The following RYR3 variants were observed in gnomAD, a reference collection of about 807,000 sequenced individuals.
RYR3 encodes ryanodine receptor 3.
In RYR3, 207 loss-of-function variants were observed where a neutral mutation model predicts 584.3. The ratio of observed to expected loss-of-function variants is 0.35; its 90% CI spans 0.32 to 0.40. RYR3 has a LOEUF of 0.40. Among genes scored for constraint, RYR3 ranks in the 10% least tolerant of loss-of-function variants. The pLI is 1.00. For synonymous variants in RYR3, 2,416 were observed against 2,248.5 expected, an observed-to-expected ratio of 1.07 and a Z score of -2.11; for missense variants, 5,616 against 6,089.2, an observed-to-expected ratio of 0.92 and a Z score of 2.59.
chr15:33,654,179 A>G (rs1298773267), intron 32 of RYR3, among the ~76,000 whole-genome samples: 1 of 152,166 alleles, frequency 6.6e-6, no homozygotes, highest in Non-Finnish European at 1.5e-5. Context: ...GAGAATGTTC[A>G]TTAAGGAGAA....
At chr15:33,700,218 G>A (rs1566977915) in intron 41 of RYR3, among the ~76,000 whole-genome samples, 2 of 152,168 alleles carry the variant, frequency 1.3e-5, no homozygotes, top group South Asian at 2.1e-4. Context: ...GTCATGGATC[G>A]GATCTCGTCT....
intron 31 of RYR3, among the ~76,000 whole-genome samples, chr15:33,650,487 T>C (rs1247272651): frequency 6.6e-6 from 1 of 152,216 alleles, no homozygotes; most frequent in Non-Finnish European, 1.5e-5. Flanking sequence ...GATTTCCTTA[T>C]CTAAAGATGA....
intron 32 of RYR3, 85 bp from the exon 33 acceptor site, chr15:33,659,635 T>C (rs565826785): frequency 1.2e-5 from 10 of 834,262 alleles, no homozygotes; most frequent in Admixed American, 2.0e-5. Flanking sequence ...TGGAATGAGA[T>C]TGTTGACCAA....
chr15:33,505,895 A>G (rs7169155), intron 3 of RYR3, among the ~76,000 whole-genome samples: 49,605 of 152,094 alleles, frequency 0.33, 8,785 homozygotes, highest in African/African-American at 0.41. Flanking sequence ...CACCACTTTC[A>G]GTATCAAACT....
rs570124548 is a variant in RYR3 at position 33,344,733 on chromosome 15, A to C, written c.51+33637A>C. Among the ~76,000 whole-genome samples the C allele has an allele frequency of 7.2e-5, 11 of 152,262 alleles. No homozygotes were observed. In the East Asian group the frequency reaches 1.5e-3, roughly 21 times the overall value. ...CGGTTTCTTAAAACAAACAAGGCCT[A>C]CTTTCTGGTCATGTAAAAATGAGTT... On this transcript the variant is annotated intron_variant, in intron 1 of 103. Coordinates refer to ENST00000634891, the MANE Select transcript of RYR3 (RefSeq NM_001036.6).
chr15:33,817,008 T>G lies in RYR3; in HGVS notation c.10599+50T>G, dbSNP rs760687050. 5.3e-6 allele frequency: 6 copies of G among 1,140,640 alleles called. No homozygotes were observed. The East Asian group carries it at 1.5e-4, about 28-fold the overall frequency. 70.7% of individuals were successfully genotyped at this position (1,140,640 alleles called of 1,614,324 possible). A position where few individuals can be genotyped will look rare whatever the true frequency, so the allele number is the denominator to read the frequency against. On this transcript the variant is annotated intron_variant, in intron 75 of 103. Coordinates refer to ENST00000634891, the MANE Select transcript of RYR3 (RefSeq NM_001036.6). ...AGATATGAGTGTGGATGAATTTGATTTTCGAATTCATGTGTGTGGTTGTAA... is the reference window on the plus strand; with the variant it reads ...AGATATGAGTGTGGATGAATTTGATGTTCGAATTCATGTGTGTGGTTGTAA...
intron 93 of RYR3, chr15:33,847,019 C>G (rs1596991883): frequency 6.6e-6 from 1 of 152,316 alleles, no homozygotes; most frequent in Admixed American, 6.5e-5. Context: ...CGAGAGTATA[C>G]AAACTTCTAG....
intron 36 of RYR3, among the ~76,000 whole-genome samples, chr15:33,666,318 T>C (rs2063491290): frequency 6.6e-6 from 1 of 152,214 alleles, no homozygotes; most frequent in Non-Finnish European, 1.5e-5. Context: ...TCCTAGGGTT[T>C]CTAATACGGT....
chr15:33,664,776 G>A (rs2063400589), intron 36 of RYR3, among the ~76,000 whole-genome samples: 1 of 151,860 alleles, frequency 6.6e-6, no homozygotes, highest in African/African-American at 2.4e-5. Flanking sequence ...CAAGCAGCCT[G>A]TCCATAAAGT....
At chr15:33,817,742 G>T (rs1398809397) in intron 75 of RYR3, among the ~76,000 whole-genome samples, 1 of 151,626 alleles carries the variant, frequency 6.6e-6, no homozygotes, top group Non-Finnish European at 1.5e-5. Flanking sequence ...ATATATTCCT[G>T]TTGGTGAGAA....
chr15:33,768,806 G>C, intron 61 of RYR3, 99 bp downstream of exon 61: 2 of 1,132,974 alleles, frequency 1.8e-6, no homozygotes, highest in Non-Finnish European at 2.7e-6. Context: ...CCGGGCCTTG[G>C]GACTAAGGTG....
chr15:33,386,116 A>G (rs898486557), intron 1 of RYR3, among the ~76,000 whole-genome samples: 19 of 152,170 alleles, frequency 1.2e-4, no homozygotes, highest in African/African-American at 4.6e-4. Context: ...TTAACTTTCT[A>G]TATCAATTTG....
intron 79 of RYR3, 71 bp from the exon 80 acceptor site, chr15:33,821,452 C>T: frequency 6.3e-7 from 1 of 1,596,950 alleles, no homozygotes; most frequent in East Asian, 2.2e-5. Flanking sequence ...TTAAAGAGCC[C>T]TGCTAAGGCC....
At chr15:33,782,007 A>T (rs1233464016) in intron 65 of RYR3, among the ~76,000 whole-genome samples, 1 of 152,202 alleles carries the variant, frequency 6.6e-6, no homozygotes, top group Admixed American at 6.5e-5. Context: ...ATGCCAGCCC[A>T]GGTGTTGCTT....
intron 38 of RYR3, among the ~76,000 whole-genome samples, chr15:33,676,031 G>A (rs1283039872): frequency 2.0e-5 from 3 of 152,024 alleles, no homozygotes; most frequent in African/African-American, 7.3e-5. Context: ...GATATGTTAG[G>A]TTAAATGGTC....
At chr15:33,837,535 T>G (rs1357040918) in intron 88 of RYR3, 96 bp from the exon 89 acceptor site, 1 of 1,350,504 alleles carries the variant, frequency 7.4e-7, no homozygotes, top group African/African-American at 1.5e-5. Flanking sequence ...CTGACTAATT[T>G]GGCACAAAAG....
intron 18 of RYR3, among the ~76,000 whole-genome samples, chr15:33,610,069 T>A (rs118184266): frequency 6.6e-6 from 1 of 152,240 alleles, no homozygotes; most frequent in South Asian, 2.1e-4. Context: ...TTTGCCAATA[T>A]GCATTGAGTA....
chr15:33,417,124 G>T (rs2043871384), intron 1 of RYR3, among the ~76,000 whole-genome samples: 1 of 152,120 alleles, frequency 6.6e-6, no homozygotes, highest in African/African-American at 2.4e-5. Context: ...CAGATAATGT[G>T]ATGTCTCCAG....
chr15:33,676,706 T>C (rs1374428614), intron 38 of RYR3, among the ~76,000 whole-genome samples: 3 of 152,136 alleles, frequency 2.0e-5, no homozygotes, highest in Non-Finnish European at 4.4e-5. Flanking sequence ...AAAACAGATA[T>C]CATTAGTCCT....
Sources: allele counts gnomAD v4.1 joint callset (sites outside exome capture counted in the v4.1 genomes callset), GRCh38; gene constraint gnomAD v4.1.1; transcripts MANE v1.5; gene names NCBI Gene and HGNC (gene_info 2026-07-23, HGNC 2026-07-21).